CLNK: variants seen among roughly 807,000 people sequenced by gnomAD.
The protein encoded by CLNK is cytokine-dependent hematopoietic cell linker.
Under a neutral mutation model 68.6 loss-of-function variants are expected in CLNK, and 74 were observed. That is an observed-to-expected ratio of 1.08 (90% CI 0.89 to 1.31). CLNK has a LOEUF of 1.31. Among genes scored for constraint, CLNK ranks in the 50% most tolerant of loss-of-function variants. The pLI is 0.00. For missense variants in CLNK, 553 were observed against 515.3 expected, an observed-to-expected ratio of 1.07 and a Z score of -0.71; for synonymous variants, 198 against 172.2, an observed-to-expected ratio of 1.15 and a Z score of -1.17.
intron 16 of CLNK, among the ~76,000 whole-genome samples, chr4:10,513,015 C>G (rs772079958): frequency 3.3e-5 from 5 of 152,254 alleles, no homozygotes; most frequent in Non-Finnish European, 7.4e-5. Flanking sequence ...ATCATAACCT[C>G]TAGCACATTG....
intron 2 of CLNK, among the ~76,000 whole-genome samples, chr4:10,637,438 G>GTTTTTTTTTTT (rs11396379): frequency 3.2e-5 from 4 of 124,164 alleles, no homozygotes; most frequent in Non-Finnish European, 6.6e-5. Context: ...AATAAAAAAA[G>GTTTTTTTTTTT]TTTTTTTTTT....
At chr4:10,674,663 T>G (rs183072671) in intron 1 of CLNK, among the ~76,000 whole-genome samples, 3 of 152,296 alleles carry the variant, frequency 2.0e-5, no homozygotes, top group Admixed American at 6.5e-5. Context: ...ACAGGGTGGT[T>G]CACATCCTGA....
At chr4:10,671,684 A>G (rs1330360841) in intron 1 of CLNK, among the ~76,000 whole-genome samples, 1 of 152,216 alleles carries the variant, frequency 6.6e-6, no homozygotes, top group Non-Finnish European at 1.5e-5. Context: ...TTCAAAGACA[A>G]GGCAGTGAAC....
the CLNK span, among the ~76,000 whole-genome samples, chr4:10,704,941 G>A: frequency 4.6e-5 from 7 of 152,286 alleles, no homozygotes; most frequent in Non-Finnish European, 1.0e-4. Context: ...GTGTCCAGTG[G>A]TACCAATGTG....
chr4:10,562,295 A>T (rs1372323767), intron 7 of CLNK, among the ~76,000 whole-genome samples: 1 of 151,924 alleles, frequency 6.6e-6, no homozygotes, highest in Admixed American at 6.6e-5. Context: ...TATAGGTAAG[A>T]TCATGAAGGC....
upstream of CLNK, among the ~76,000 whole-genome samples, chr4:10,689,360 C>T (rs1326289386): frequency 2.0e-5 from 3 of 152,086 alleles, no homozygotes; most frequent in Non-Finnish European, 2.9e-5. Context: ...GTCTCAAACT[C>T]CTGGTCTCAA....
intron 11 of CLNK, among the ~76,000 whole-genome samples, chr4:10,535,213 G>GAGAAAGAA (rs57053319): frequency 0.16 from 20,665 of 131,106 alleles, 2,092 homozygotes; most frequent in Non-Finnish European, 0.2. Flanking sequence ...AAGAAAGAAA[G>GAGAAAGAA]AGAAAGAAAG....
At chr4:10,593,038 G>T (rs573818482) in intron 3 of CLNK, among the ~76,000 whole-genome samples, 1 of 152,014 alleles carries the variant, frequency 6.6e-6, no homozygotes, top group African/African-American at 2.4e-5. Flanking sequence ...GAGCATCTAC[G>T]CTGTAGGAGC....
intron 5 of CLNK, among the ~76,000 whole-genome samples, chr4:10,571,436 G>A (rs1262548956): frequency 6.7e-6 from 1 of 148,650 alleles, no homozygotes; most frequent in Non-Finnish European, 1.5e-5. Flanking sequence ...CTGGGTTCAA[G>A]CGATTCTCCT....
intron 2 of CLNK, among the ~76,000 whole-genome samples, chr4:10,626,108 G>A (rs2108865029): frequency 6.6e-6 from 1 of 152,312 alleles, no homozygotes; most frequent in Admixed American, 6.5e-5. Flanking sequence ...GGTCTCCCTG[G>A]CTGGGGCTCA....
At chr4:10,581,383 G>A (rs1263859361) in intron 4 of CLNK, among the ~76,000 whole-genome samples, 1 of 152,028 alleles carries the variant, frequency 6.6e-6, no homozygotes, top group Non-Finnish European at 1.5e-5. Context: ...GAGAGAGAGA[G>A]ACTCAGTCAT....
chr4:10,628,977 A>T (rs138108062), intron 2 of CLNK, among the ~76,000 whole-genome samples: 2 of 152,278 alleles, frequency 1.3e-5, no homozygotes, highest in East Asian at 3.9e-4. Flanking sequence ...GACCCAAAAG[A>T]GCTTGTCCCA....
chr4:10,565,948 G>A, intron 6 of CLNK, 61 bp downstream of exon 6: 1 of 1,544,860 alleles, frequency 6.5e-7, no homozygotes, highest in Admixed American at 1.9e-5. Flanking sequence ...CCTTTAAATA[G>A]TGTGCAATAT....
At chr4:10,662,170 C>A (rs777674339) in intron 2 of CLNK, among the ~76,000 whole-genome samples, 1 of 152,074 alleles carries the variant, frequency 6.6e-6, no homozygotes, top group Non-Finnish European at 1.5e-5. Context: ...ATCACAACAC[C>A]GTCTGCTCTA....
intron 2 of CLNK, among the ~76,000 whole-genome samples, chr4:10,635,494 ATATATACT>A (rs1462296706): frequency 6.6e-6 from 1 of 152,154 alleles, no homozygotes; most frequent in Non-Finnish European, 1.5e-5. Context: ...TCTCCCAGTG[ATATATACT>A]TAGATACTCT....
intron 14 of CLNK, among the ~76,000 whole-genome samples, chr4:10,525,157 C>G (rs151230860): frequency 6.6e-6 from 1 of 152,094 alleles, no homozygotes; most frequent in African/African-American, 2.4e-5. Flanking sequence ...CTCTGCCTCC[C>G]GGGTTCACGC....
intron 2 of CLNK, among the ~76,000 whole-genome samples, chr4:10,628,808 CTT>C (rs1406744186): frequency 6.6e-6 from 1 of 152,208 alleles, no homozygotes; most frequent in Non-Finnish European, 1.5e-5. Flanking sequence ...CTCTGAAAGT[CTT>C]TGTCTGCCTA....
At chr4:10,690,622 G>C in the CLNK span, among the ~76,000 whole-genome samples, 1 of 152,088 alleles carries the variant, frequency 6.6e-6, no homozygotes, top group Non-Finnish European at 1.5e-5. Context: ...CATTAATTAA[G>C]ACCTCAATAT....
intron 2 of CLNK, among the ~76,000 whole-genome samples, chr4:10,651,805 C>T (rs534702915): frequency 1.3e-5 from 2 of 152,058 alleles, no homozygotes; most frequent in South Asian, 2.1e-4. Context: ...TATTACTCTA[C>T]AAGACTGTAA....
Sources: gnomAD v4.1 joint callset for allele counts (sites outside exome capture counted in the v4.1 genomes callset) on GRCh38, gnomAD v4.1.1 for gene constraint, MANE v1.5 for transcripts, NCBI Gene and HGNC (gene_info 2026-07-23, HGNC 2026-07-21) for gene names.